Variants in WDFY4 observed in about 807,000 individuals in gnomAD.
WDFY4 encodes the protein WD repeat- and FYVE domain-containing protein 4.
WDFY4 carries 169 observed loss-of-function variants against 351.9 expected under a neutral mutation model. The ratio of observed to expected loss-of-function variants is 0.48; its 90% confidence interval spans 0.42 to 0.55. The LOEUF (loss-of-function observed/expected upper bound fraction) is 0.55, where lower values mean the gene tolerates loss of function less well. Ranked by LOEUF, WDFY4 falls within the 20% of genes least tolerant of loss-of-function variation. The pLI is 0.00. For missense variants in WDFY4, 3,803 were observed against 3,935.6 expected (o/e 0.97, Z 0.90); for synonymous variants, 1,622 against 1,574.6 (o/e 1.03, Z -0.71).
At chr10:48,699,274 T>A (rs968597425) in intron 1 of WDFY4, among the ~76,000 whole-genome samples, 10 of 152,132 alleles carry the variant, frequency 6.6e-5, no homozygotes, top group African/African-American at 2.4e-4. Flanking sequence ...ACACACTCAG[T>A]GTTCAGAGCT....
chr10:48,821,155 G>A lies in WDFY4; in HGVS notation c.5803G>A (p.Gly1935Ser), dbSNP rs1156784260. The A allele has an allele frequency of 2.6e-6, 4 of 1,551,368 alleles. No homozygotes were observed. The highest frequency in any genetic ancestry group is 3.5e-6 in the Non-Finnish European group (4 of 1,146,764). Residue 1935 changes from glycine (G) to serine (S), a missense_variant, in exon 34 of 62, where the codon GGT (glycine) becomes AGT (serine). Coordinates refer to ENST00000325239, the MANE Select transcript of WDFY4 (RefSeq NM_001394531.1). ...GGAACTATTCCACATGACAAGTGGA[G>A]GTGATGCAGCGATGTTCAGAGGTGA... ...AMELFHMTSG[G>S]DAAMFRDGKE...
At chr10:48,823,232 AC>A in intron 35 of WDFY4, 1 of 1,303,394 alleles carries the variant, frequency 7.7e-7, no homozygotes, top group Non-Finnish European at 1.0e-6. Flanking sequence ...CCTCCAGGAA[AC>A]CTTTGCTCAA....
At chr10:48,823,069 T>A in intron 35 of WDFY4, 1 of 1,190,358 alleles carries the variant, frequency 8.4e-7, no homozygotes, top group South Asian at 1.3e-5. Flanking sequence ...TACAAATGCA[T>A]ACCTGTAGGG....
rs1013441976 is a variant in WDFY4, at chr10:48,869,803, C to T, written c.6741+2461C>T. On this transcript the variant is annotated intron_variant, in intron 40 of 61. Coordinates refer to ENST00000325239, the MANE Select transcript of WDFY4 (RefSeq NM_001394531.1). ...AGATGCCTGACAACTCAGAAATGGCCACTGTCTTCTGTCCCACTCTCTTCT... is the reference window on the plus strand; with the variant it reads ...AGATGCCTGACAACTCAGAAATGGCTACTGTCTTCTGTCCCACTCTCTTCT... 2.4e-4 allele frequency among the ~76,000 whole-genome samples: 37 copies of T among 152,232 alleles called. 1 individual carries two copies. In the Middle Eastern group the frequency reaches 0.01, roughly 42 times the overall value.
intron 40 of WDFY4, among the ~76,000 whole-genome samples, chr10:48,872,503 T>G (rs993589739): frequency 6.6e-6 from 1 of 152,194 alleles, no homozygotes; most frequent in Non-Finnish European, 1.5e-5. Context: ...TGATAATGAG[T>G]GTCTTTTCTG....
chr10:48,924,510 G>T (rs1204217405), intron 47 of WDFY4, among the ~76,000 whole-genome samples: 1 of 152,212 alleles, frequency 6.6e-6, no homozygotes, highest in Non-Finnish European at 1.5e-5. Context: ...ACAGACGAAT[G>T]GATGTATTTA....
intron 20 of WDFY4, among the ~76,000 whole-genome samples, chr10:48,787,910 TTC>T (rs2066509145): frequency 1.2e-4 from 5 of 40,782 alleles, no homozygotes; most frequent in South Asian, 2.0e-3. Flanking sequence ...CTTCTTCTTC[TTC>T]TTCTTCTTCT....
intron 36 of WDFY4, 24 bp from the exon 37 acceptor site, chr10:48,828,754 A>T: frequency 7.3e-7 from 1 of 1,362,746 alleles, no homozygotes; most frequent in Non-Finnish European, 1.0e-6. Flanking sequence ...ATTGGATTTT[A>T]GTGAAAAATC....
Position 48,931,162 on chromosome 10 carries a change from G to T in WDFY4, c.7587-10644G>T, listed in dbSNP as rs141025967. Among the ~76,000 whole-genome samples the T allele has an allele frequency of 2.5e-3, 386 of 152,240 alleles. 2 individuals are homozygous for T. The highest frequency in any genetic ancestry group is 8.6e-3 in the African/African-American group (358 of 41,520). On this transcript the variant is annotated intron_variant, in intron 47 of 61. Coordinates refer to ENST00000325239, the MANE Select transcript of WDFY4 (RefSeq NM_001394531.1). ...GCTTCTTTTCCTCTTAGAGGACAGG[G>T]TGGTGGTGGGAGTTATTCACTGGAG...
At chr10:48,917,624 A>G (rs1169992889) in intron 47 of WDFY4, among the ~76,000 whole-genome samples, 1 of 152,206 alleles carries the variant, frequency 6.6e-6, no homozygotes, top group Non-Finnish European at 1.5e-5. Context: ...AGAACTATCA[A>G]CCCAGACTGT....
intron 1 of WDFY4, among the ~76,000 whole-genome samples, chr10:48,687,334 A>G (rs553357232): frequency 6.6e-6 from 1 of 152,196 alleles, no homozygotes; most frequent in African/African-American, 2.4e-5. Flanking sequence ...GTTTTTATTA[A>G]TGACTGAATT....
In WDFY4 at chr10:48,805,341, C is replaced by G. The variant is rs907369110; in HGVS notation, c.4566C>G (p.Leu1522=). ...TCTTCCTATTCAATGAGCCGAGCCT[C>G]ATCCCCTCCAAGATCTCCACCATCA... The part of the protein sequence containing the change: ...KLIFLFNEPS[L]IPSKISTIIG... Residue 1522 remains leucine, a synonymous_variant, in exon 26 of 62, where the codon CTC becomes CTG. Coordinates refer to ENST00000325239, the MANE Select transcript of WDFY4 (RefSeq NM_001394531.1). The G allele has an allele frequency of 6.5e-7, 1 of 1,549,028 alleles. No homozygotes were observed. Among genetic ancestry groups the G allele is most frequent in the Non-Finnish European group, 8.7e-7 (1 of 1,146,908 alleles).
intron 1 of WDFY4, among the ~76,000 whole-genome samples, chr10:48,701,240 C>T (rs1285079752): frequency 1.3e-5 from 2 of 152,194 alleles, no homozygotes; most frequent in Admixed American, 6.5e-5. Context: ...TCATCCATGT[C>T]GTAGCATGTG....
At chr10:48,705,011 G>A (rs1007172904) in intron 1 of WDFY4, among the ~76,000 whole-genome samples, 3 of 152,220 alleles carry the variant, frequency 2.0e-5, no homozygotes, top group Non-Finnish European at 4.4e-5. Context: ...CATGAGGCAG[G>A]GATGGGTCTT....
intron 47 of WDFY4, among the ~76,000 whole-genome samples, chr10:48,909,318 C>A (rs1206018363): frequency 6.6e-6 from 1 of 151,808 alleles, no homozygotes; most frequent in African/African-American, 2.4e-5. Context: ...TCTCTGGTTT[C>A]TTTTTCCTGC....
In WDFY4 at chr10:48,775,745, G is replaced by A. The variant is rs1472766213; in HGVS notation, c.2802G>A (p.Leu934=). 2 of 1,551,554 alleles carry A rather than the reference G, an allele frequency of 1.3e-6. No homozygotes were observed. Among genetic ancestry groups the A allele is most frequent in the African/African-American group, 1.4e-5 (1 of 73,018 alleles). The change falls in exon 15 of 62, where the codon CTG becomes CTA. Residue 934 remains leucine (L), a synonymous_variant. Coordinates refer to ENST00000325239, the MANE Select transcript of WDFY4 (RefSeq NM_001394531.1). ...TAGGTCTTGGAATTCCCTCATCTCT[G>A]TCGGCCACAACAAAAATCCTTGATT... ...QFLGLGIPSS[L]SATTKILDSS...
intron 1 of WDFY4, among the ~76,000 whole-genome samples, chr10:48,700,003 G>A (rs760261728): frequency 1.6e-4 from 25 of 152,136 alleles, no homozygotes; most frequent in African/African-American, 2.4e-4. Flanking sequence ...CTCTGGGGCT[G>A]GGGTTCAGAA....
chr10:48,876,622 G>T (rs2133301479), intron 42 of WDFY4, among the ~76,000 whole-genome samples: 1 of 152,142 alleles, frequency 6.6e-6, no homozygotes, highest in South Asian at 2.1e-4. Flanking sequence ...ACAATAAAAG[G>T]ATATTGTTTC....
intron 51 of WDFY4, among the ~76,000 whole-genome samples, chr10:48,949,213 C>T (rs1342534691): frequency 6.6e-6 from 1 of 152,224 alleles, no homozygotes; most frequent in Non-Finnish European, 1.5e-5. Flanking sequence ...GTCATCTGGG[C>T]TGTCTCTACA....
Sources: gnomAD v4.1 joint callset for allele counts (sites outside exome capture counted in the v4.1 genomes callset) on GRCh38, gnomAD v4.1.1 for gene constraint, MANE v1.5 for transcripts, NCBI Gene and HGNC (gene_info 2026-07-23, HGNC 2026-07-21) for gene names.